CDC42BPA: variants seen among roughly 807,000 people sequenced by gnomAD.
CDC42BPA encodes the protein CDC42 binding protein kinase alpha.
CDC42BPA carries 80 observed loss-of-function variants against 223.5 expected under a neutral mutation model. The observed-to-expected ratio is 0.36, with a 90% CI of 0.30 to 0.43. CDC42BPA has a LOEUF of 0.43. CDC42BPA is among the 20% of genes least tolerant of loss of function. The pLI is 1.00. For missense variants in CDC42BPA, 1,743 were observed against 2,099.9 expected, an observed-to-expected ratio of 0.83 and a Z score of 3.32; for synonymous variants, 694 against 718.6, an observed-to-expected ratio of 0.97 and a Z score of 0.55.
intron 1 of CDC42BPA, among the ~76,000 whole-genome samples, chr1:227,282,104 C>A (rs1688102170): frequency 6.6e-6 from 1 of 150,462 alleles, no homozygotes; most frequent in South Asian, 2.1e-4. Flanking sequence ...AGGAGAATCA[C>A]TTGAACCCGG....
In CDC42BPA at chr1:227,317,979, G is replaced by A. The variant is rs994142746; in HGVS notation, c.-797C>T. The A allele has an allele frequency of 3.4e-4, 135 of 393,752 alleles. No individual in the cohort carries two copies. Among genetic ancestry groups the A allele is most frequent in the African/African-American group, 2.6e-3 (126 of 48,418 alleles). 24.4% of individuals were successfully genotyped at this position (393,752 alleles called of 1,614,324 possible). On this transcript the variant is annotated 5_prime_UTR_variant, in exon 1 of 37. Transcript: ENST00000366766. Reference sequence around the variant, plus strand: ...CGGCGCGGCCGGGGGTGGAAGGCGGGCTGCGGGCGGCACTGGCACCGGGCT... The same window carrying A: ...CGGCGCGGCCGGGGGTGGAAGGCGGACTGCGGGCGGCACTGGCACCGGGCT...
intron 16 of CDC42BPA, among the ~76,000 whole-genome samples, chr1:227,091,545 C>A (rs899485127): frequency 6.6e-6 from 1 of 152,146 alleles, no homozygotes; most frequent in African/African-American, 2.4e-5. Context: ...CCTGCAGAAC[C>A]ATAAGCCAAA....
chr1:227,256,938 T>TACACACACACAC (rs1442280387), intron 1 of CDC42BPA, among the ~76,000 whole-genome samples: 3,217 of 119,876 alleles, frequency 0.027, 103 homozygotes, highest in African/African-American at 0.036. Context: ...AAATGTGATA[T>TACACACACACAC]ATATATACAG....
intron 5 of CDC42BPA, among the ~76,000 whole-genome samples, chr1:227,161,927 T>C (rs887426491): frequency 2.0e-5 from 3 of 152,224 alleles, no homozygotes; most frequent in Non-Finnish European, 4.4e-5. Context: ...TCCTCAACAT[T>C]TGACTGTATT....
At chr1:227,039,678 T>C (rs1264844268) in intron 24 of CDC42BPA, among the ~76,000 whole-genome samples, 1 of 151,714 alleles carries the variant, frequency 6.6e-6, no homozygotes, top group Non-Finnish European at 1.5e-5. Context: ...GGGTGTTCCA[T>C]AAACATGTGA....
chr1:227,043,310 G>A (rs1191493234), intron 23 of CDC42BPA, among the ~76,000 whole-genome samples: 1 of 151,564 alleles, frequency 6.6e-6, no homozygotes, highest in African/African-American at 2.4e-5. Context: ...CTACTCGGGA[G>A]GCTGAGGCAG....
At chr1:227,238,327 G>A (rs1418882685) in intron 2 of CDC42BPA, among the ~76,000 whole-genome samples, 1 of 150,714 alleles carries the variant, frequency 6.6e-6, no homozygotes, top group African/African-American at 2.5e-5. Flanking sequence ...CACTACACTG[G>A]CGAGACCCTG....
chr1:227,132,277 C>G (rs949421117), intron 10 of CDC42BPA, among the ~76,000 whole-genome samples: 1 of 152,272 alleles, frequency 6.6e-6, no homozygotes, highest in African/African-American at 2.4e-5. Context: ...GTGCCTCAGG[C>G]GCGCCGCCAC....
intron 14 of CDC42BPA, among the ~76,000 whole-genome samples, chr1:227,102,064 A>G (rs1261748502): frequency 6.6e-6 from 1 of 152,164 alleles, no homozygotes; most frequent in East Asian, 1.9e-4. Flanking sequence ...TTTAAAACTA[A>G]AAGAATCTAT....
At position 227,031,284 on chromosome 1, in the gene CDC42BPA, T is replaced by G; in HGVS notation, c.3775+14A>C. The G allele has an allele frequency of 6.3e-7, 1 of 1,585,494 alleles. No individual in the cohort carries two copies. The highest frequency in any genetic ancestry group is 1.7e-5 in the Admixed American group (1 of 59,694). The stretch of plus-strand genomic sequence containing the variant: ...AACAATGATAATAATATGATAAATG[T>G]TATAAATTCATACCTATGATTGCGG... On this transcript the variant is annotated intron_variant, in intron 28 of 36. Coordinates refer to ENST00000366766, the MANE Select transcript of CDC42BPA (RefSeq NM_001394014.1).
chr1:227,235,516 G>A (rs1678849070), intron 2 of CDC42BPA, among the ~76,000 whole-genome samples: 1 of 152,090 alleles, frequency 6.6e-6, no homozygotes, highest in Admixed American at 6.5e-5. Context: ...TTTAGACAAT[G>A]GCTAATGTGC....
chr1:226,999,184 T>A (rs908568270), intron 35 of CDC42BPA, among the ~76,000 whole-genome samples: 5 of 150,012 alleles, frequency 3.3e-5, no homozygotes, highest in African/African-American at 1.2e-4. Flanking sequence ...GAACACTTTT[T>A]TTTTTTTTTT....
chr1:227,212,077 G>T (rs533953139), intron 3 of CDC42BPA, among the ~76,000 whole-genome samples: 1 of 151,368 alleles, frequency 6.6e-6, no homozygotes, highest in African/African-American at 2.4e-5. Flanking sequence ...CACTTCTGAG[G>T]GTTTTTGTTT....
intron 1 of CDC42BPA, among the ~76,000 whole-genome samples, chr1:227,279,785 G>A (rs929456759): frequency 5.9e-5 from 9 of 152,088 alleles, no homozygotes; most frequent in Admixed American, 1.3e-4. Flanking sequence ...GGCCGGGAAC[G>A]GTGGCTCACA....
intron 1 of CDC42BPA, among the ~76,000 whole-genome samples, chr1:227,293,466 T>G (rs1690053499): frequency 6.6e-6 from 1 of 151,330 alleles, no homozygotes; most frequent in African/African-American, 2.4e-5. Flanking sequence ...GCAAAAGATA[T>G]CTACATCCCA....
At chr1:227,189,996 A>G (rs1486728756) in intron 5 of CDC42BPA, among the ~76,000 whole-genome samples, 3 of 152,228 alleles carry the variant, frequency 2.0e-5, no homozygotes, top group Non-Finnish European at 4.4e-5. Context: ...CTACCAAGAT[A>G]CAAAGTCTGT....
At chr1:227,256,640 C>G (rs1215055287) in intron 1 of CDC42BPA, among the ~76,000 whole-genome samples, 1 of 151,862 alleles carries the variant, frequency 6.6e-6, no homozygotes. Context: ...TTAAATAAAA[C>G]AGAAAATAAC....
At chr1:227,104,089 C>G (rs1268547746) in intron 14 of CDC42BPA, among the ~76,000 whole-genome samples, 1 of 151,978 alleles carries the variant, frequency 6.6e-6, no homozygotes, top group African/African-American at 2.4e-5. Context: ...AACATTAAGA[C>G]TACTAAATTA....
At chr1:227,064,602 G>C (rs1228121183) in intron 21 of CDC42BPA, among the ~76,000 whole-genome samples, 1 of 152,092 alleles carries the variant, frequency 6.6e-6, no homozygotes. Context: ...ATTACCTAGA[G>C]AAAGAGGCTG....
Sources: gnomAD v4.1 joint callset for allele counts (sites outside exome capture counted in the v4.1 genomes callset) on GRCh38, gnomAD v4.1.1 for gene constraint, MANE v1.5 for transcripts, NCBI Gene and HGNC (gene_info 2026-07-23, HGNC 2026-07-21) for gene names.